The following BUD31 variants were observed in gnomAD, a reference collection of about 807,000 sequenced individuals.
The protein encoded by BUD31 is BUD31 spliceosome associated protein.
Under a neutral mutation model 17.9 loss-of-function variants are expected in BUD31, and 9 were observed. The observed-to-expected ratio is 0.50, with a 90% CI of 0.30 to 0.88. The LOEUF (loss-of-function observed/expected upper bound fraction) is 0.88, where lower values mean the gene tolerates loss of function less well. BUD31 is among the 40% of genes least tolerant of loss of function. The probability of loss-of-function intolerance (pLI) is 0.06; values close to 1 mark genes in which losing one functional copy is unlikely to be tolerated. For missense variants in BUD31, 148 were observed against 184.5 expected (o/e 0.80, Z 1.15); for synonymous variants, 70 against 64.7 (o/e 1.08, Z -0.39).
At chr7:99,410,342 C>A (rs1039747188) in intron 2 of BUD31, among the ~76,000 whole-genome samples, 173 bp downstream of exon 2, 1 of 144,184 alleles carries the variant, frequency 6.9e-6, no homozygotes, top group Admixed American at 7.1e-5. Flanking sequence ...CCTCAGCCTT[C>A]CGTGTAGCTC....
chr7:99,417,854 ATGG>A, intron 5 of BUD31: 5 of 1,420,830 alleles, frequency 3.5e-6, no homozygotes, highest in Non-Finnish European at 4.6e-6. Flanking sequence ...CACTTAGGAA[ATGG>A]TGGTGGGGAG....
At position 99,419,512 on chromosome 7, in the gene BUD31, G is replaced by A. The variant is rs1795701266; in HGVS notation, c.*71G>A. 1 of 1,571,828 alleles carries A rather than the reference G, an allele frequency of 6.4e-7. No homozygotes were observed. Among genetic ancestry groups the A allele is most frequent in the Non-Finnish European group, 8.7e-7 (1 of 1,150,760 alleles). ...CTGTCACGCCACCCCCTTCCTGGGA[G>A]CAGCGAGCAGTGCCCCAGGCCCGAG... On this transcript the variant is annotated 3_prime_UTR_variant, in exon 6 of 6. Coordinates refer to ENST00000222969, the MANE Select transcript of BUD31 (RefSeq NM_003910.4).
chr7:99,418,284 C>T (rs2150939706), intron 5 of BUD31: 1 of 162,596 alleles, frequency 6.2e-6, no homozygotes, highest in African/African-American at 2.4e-5. Flanking sequence ...TTTCTTCTTT[C>T]AGAACTTTCT....
At chr7:99,419,108 CTCAT>C (rs1795674426) in intron 5 of BUD31, 2 of 497,930 alleles carry the variant, frequency 4.0e-6, no homozygotes, top group Non-Finnish European at 7.3e-6. Context: ...AATAACGAGA[CTCAT>C]TCACACCGAT....
rs756540627 is a variant in BUD31, at chr7:99,417,550, C to T, written c.339C>T (p.Phe113=). The change falls in exon 5 of 6, where the codon TTC becomes TTT. Residue 113 remains phenylalanine, a synonymous_variant. Transcript: ENST00000222969. ...LRCIQTRDTN[F]GTNCICRVPK... ...GCATTCAGACACGGGACACCAACTT[C>T]GGGACGAACTGCATCTGCCGCGTGC... is the stretch of plus-strand genomic sequence containing the variant. The T allele has an allele frequency of 2.9e-5, 46 of 1,611,954 alleles. No individual in the cohort carries two copies. Among genetic ancestry groups the T allele is most frequent in the Non-Finnish European group, 3.5e-5 (41 of 1,178,640 alleles).
intron 5 of BUD31, 130 bp downstream of exon 5, chr7:99,417,725 C>T (rs988720521): frequency 3.9e-6 from 6 of 1,538,006 alleles, no homozygotes; most frequent in Non-Finnish European, 5.2e-6. Flanking sequence ...CTGGCTCTCC[C>T]TCGTGGGAGT....
At chr7:99,415,113 A>C in intron 3 of BUD31, 1 of 430,440 alleles carries the variant, frequency 2.3e-6, no homozygotes, top group Non-Finnish European at 4.6e-6. Context: ...CGTAGAAATA[A>C]AGACACAAGA....
Position 99,419,563 on chromosome 7 carries a change from G to T in BUD31, c.*122G>T, listed in dbSNP as rs562298020. On this transcript the variant is annotated 3_prime_UTR_variant, in exon 6 of 6. Transcript: ENST00000222969. ...TTGGAGCACGGTCTCTATGGGGAAGGCTTCGCTGTCTATCAGCTGTGATTT... is the reference window on the plus strand; with the variant it reads ...TTGGAGCACGGTCTCTATGGGGAAGTCTTCGCTGTCTATCAGCTGTGATTT... 1.8e-6 allele frequency: 2 copies of T among 1,113,462 alleles called. No individual in the cohort carries two copies. Among genetic ancestry groups the T allele is most frequent in the Admixed American group, 1.9e-5 (1 of 51,534 alleles). The allele number at this position is 1,113,462 out of a possible 1,614,324, so 69.0% of individuals were successfully genotyped here. A position where few individuals can be genotyped will look rare whatever the true frequency, so the allele number is the denominator to read the frequency against.
At chr7:99,415,558 TAG>T (rs893446480) in intron 3 of BUD31, among the ~76,000 whole-genome samples, 7 of 151,310 alleles carry the variant, frequency 4.6e-5, no homozygotes, top group South Asian at 2.1e-4. Context: ...GGTGGAGGAG[TAG>T]AGTCTTCTCT....
chr7:99,410,471 C>T (rs1795136699), intron 2 of BUD31, among the ~76,000 whole-genome samples: 1 of 150,782 alleles, frequency 6.6e-6, no homozygotes, highest in Non-Finnish European at 1.5e-5. Context: ...CTCAAGTGAT[C>T]CTCCCATCTC....
chr7:99,419,572 T>C lies in BUD31; in HGVS notation c.*131T>C. 9.9e-7 allele frequency: 1 copy of C among 1,014,230 alleles called. No homozygotes were observed. The highest frequency in any genetic ancestry group is 1.6e-5 in the African/African-American group (1 of 62,336). 62.8% of individuals were successfully genotyped at this position (1,014,230 alleles called of 1,614,324 possible). The stretch of plus-strand genomic sequence containing the variant: ...GGTCTCTATGGGGAAGGCTTCGCTG[T>C]CTATCAGCTGTGATTTGTAAAAATA... On this transcript the variant is annotated 3_prime_UTR_variant, in exon 6 of 6. Coordinates refer to ENST00000222969, the MANE Select transcript of BUD31 (RefSeq NM_003910.4).
At chr7:99,418,363 C>G (rs554561127) in intron 5 of BUD31, 1 of 154,994 alleles carries the variant, frequency 6.5e-6, no homozygotes, top group Admixed American at 6.3e-5. Context: ...GAGCTCCATC[C>G]GGTTCCAAGC....
intron 1 of BUD31, 157 bp downstream of exon 1, chr7:99,409,402 T>A (rs772742701): frequency 6.6e-6 from 1 of 152,284 alleles, no homozygotes; most frequent in Non-Finnish European, 1.5e-5. Flanking sequence ...CGGCACATCT[T>A]TCTTCTCGAT....
chr7:99,413,931 T>TA (rs1795284219), intron 3 of BUD31, among the ~76,000 whole-genome samples: 1 of 152,198 alleles, frequency 6.6e-6, no homozygotes, highest in Non-Finnish European at 1.5e-5. Flanking sequence ...TAAATGTCTT[T>TA]AAAAATCTAT....
chr7:99,419,291 G>A (rs1459728909), intron 5 of BUD31, 100 bp from the exon 6 acceptor site: 2 of 1,415,790 alleles, frequency 1.4e-6, no homozygotes, highest in African/African-American at 1.4e-5. Context: ...TCCCTATATG[G>A]CATGGTGGCA....
intron 1 of BUD31, among the ~76,000 whole-genome samples, chr7:99,409,774 G>A (rs568553320): frequency 7.6e-6 from 1 of 130,862 alleles, no homozygotes; most frequent in African/African-American, 2.8e-5. Context: ...GTGGGCGGGG[G>A]GGGGGTGGGT....
In BUD31 at chr7:99,417,494, C is replaced by A; in HGVS notation, c.283C>A (p.Gln95Lys). 6.2e-7 allele frequency: 1 copy of A among 1,611,342 alleles called. No individual in the cohort carries two copies. Among genetic ancestry groups the A allele is most frequent in the Non-Finnish European group, 8.5e-7 (1 of 1,178,442 alleles). ...DKNLIAKWKKQGYENLCCLRC... is the reference protein window; with the variant it reads ...DKNLIAKWKKKGYENLCCLRC... The stretch of plus-strand genomic sequence containing the variant: ...AAACCTGATTGCAAAATGGAAAAAG[C>A]AAGGATATGAGAACTTGTGCTGCCT... The change falls in exon 5 of 6, where the codon CAA becomes AAA. Residue 95 changes from glutamine to lysine, a missense_variant. By Grantham distance (53) the Gln-to-Lys change is moderately conservative. Transcript: ENST00000222969.
At position 99,411,082 on chromosome 7, in the gene BUD31, G is replaced by A; in HGVS notation, c.-11G>A. On this transcript the variant is annotated 5_prime_UTR_variant, in exon 3 of 6. The change creates a new upstream start codon in the 5' untranslated region. Transcript: ENST00000222969. ...CCCCCAGATCTTTGCAGATTATCCT[G>A]TGGAAGGAAAATGCCTAAAGTCAAA... 1 of 1,612,270 alleles carries A rather than the reference G, an allele frequency of 6.2e-7. No individual in the cohort carries two copies. Among genetic ancestry groups the A allele is most frequent in the South Asian group, 1.1e-5 (1 of 90,948 alleles).
chr7:99,412,371 C>T (rs1795225885), intron 3 of BUD31, among the ~76,000 whole-genome samples: 1 of 152,190 alleles, frequency 6.6e-6, no homozygotes, highest in South Asian at 2.1e-4. Flanking sequence ...GAAGGAGGAA[C>T]CCTACTTTGT....
Sources: allele counts gnomAD v4.1 joint callset (sites outside exome capture counted in the v4.1 genomes callset), GRCh38; gene constraint gnomAD v4.1.1; transcripts MANE v1.5; gene names NCBI Gene and HGNC (gene_info 2026-07-23, HGNC 2026-07-21).